Variants in RYR3 observed in about 807,000 individuals in gnomAD.
The protein encoded by RYR3 is brain ryanodine receptor-calcium release channel.
In RYR3, 207 loss-of-function variants were observed where a neutral mutation model predicts 584.3. That is an observed-to-expected ratio of 0.35 (90% CI 0.32 to 0.40). RYR3 has a LOEUF of 0.40. Ranked by LOEUF, RYR3 falls within the 10% of genes least tolerant of loss-of-function variation. RYR3 has a pLI of 1.00. For missense variants in RYR3, 5,616 were observed against 6,089.2 expected (o/e 0.92, Z 2.59); for synonymous variants, 2,416 against 2,248.5 (o/e 1.07, Z -2.11).
intron 34 of RYR3, among the ~76,000 whole-genome samples, chr15:33,661,111 G>A (rs889452404): frequency 3.3e-5 from 5 of 152,128 alleles, no homozygotes; most frequent in South Asian, 2.1e-4. Flanking sequence ...ATTGGGTCAC[G>A]AGCAGCAGGG....
chr15:33,538,250 G>C lies in RYR3; in HGVS notation c.434-1100G>C, dbSNP rs377041446. ...TCATGTTCTCATCAAGGCAGTAAAA[G>C]CTGACTAGAAGCTGGCTGAGGCTTG... On this transcript the variant is annotated intron_variant, in intron 5 of 103. Coordinates refer to ENST00000634891, the MANE Select transcript of RYR3 (RefSeq NM_001036.6). 3.7e-3 allele frequency among the ~76,000 whole-genome samples: 567 copies of C among 152,232 alleles called. 4 individuals are homozygous for C. Among genetic ancestry groups the C allele is most frequent in the African/African-American group, 0.013 (538 of 41,536 alleles).
intron 2 of RYR3, among the ~76,000 whole-genome samples, chr15:33,482,355 G>A (rs1411964683): frequency 2.0e-5 from 3 of 151,840 alleles, no homozygotes; most frequent in Non-Finnish European, 2.9e-5. Context: ...CTTTTCCTCT[G>A]GAAAGTTTTA....
intron 1 of RYR3, among the ~76,000 whole-genome samples, chr15:33,433,909 CACA>C (rs2045426361): frequency 6.6e-6 from 1 of 152,190 alleles, no homozygotes; most frequent in Non-Finnish European, 1.5e-5. Flanking sequence ...CCTCACTGGA[CACA>C]ACTTTATCCA....
intron 1 of RYR3, among the ~76,000 whole-genome samples, chr15:33,414,888 G>A (rs781617571): frequency 5.3e-5 from 8 of 152,088 alleles, no homozygotes; most frequent in East Asian, 1.9e-4. Flanking sequence ...CCACCGCGCC[G>A]GCCTTAATAA....
Position 33,311,713 on chromosome 15 carries a change from A to C in RYR3, c.51+617A>C, listed in dbSNP as rs1208864943. The stretch of plus-strand genomic sequence containing the variant: ...CTGCTGCTGGAGCCTGACTTGACTG[A>C]CTGCCTGTCGTGTGTTCGAGAGCTG... On this transcript the variant is annotated intron_variant, in intron 1 of 103. Coordinates refer to ENST00000634891, the MANE Select transcript of RYR3 (RefSeq NM_001036.6). The surrounding 1 kb of genome is among the most constrained non-coding windows in gnomAD (Gnocchi z 4.4). 6.6e-6 allele frequency among the ~76,000 whole-genome samples: 1 copy of C among 152,126 alleles called. No individual in the cohort carries two copies. The highest frequency in any genetic ancestry group is 1.5e-5 in the Non-Finnish European group (1 of 68,012).
chr15:33,818,466 T>C, intron 75 of RYR3, 112 bp from the exon 76 acceptor site: 1 of 727,894 alleles, frequency 1.4e-6, no homozygotes, highest in Non-Finnish European at 2.3e-6. Flanking sequence ...TGTTTTGTGC[T>C]TTAGTCTGAT....
intron 4 of RYR3, among the ~76,000 whole-genome samples, chr15:33,532,889 G>A (rs1467821374): frequency 6.6e-6 from 1 of 152,168 alleles, no homozygotes; most frequent in Non-Finnish European, 1.5e-5. Flanking sequence ...GGCCAGGGCA[G>A]GAGGATCACT....
At position 33,844,930 on chromosome 15, in the gene RYR3, G is replaced by A. The variant is rs118177681; in HGVS notation, c.13365G>A (p.Glu4455=). The A allele has an allele frequency of 0.011, 17,939 of 1,613,996 alleles. 142 individuals are homozygous for A. The highest frequency in any genetic ancestry group is 0.024 in the South Asian group (2,201 of 91,080). The part of the protein sequence containing the change: ...VANLWNSFND[E]EEEEAMVFFV... ...ACCTATGGAATTCCTTTAATGACGA[G>A]GAAGAGGAAGAAGCGATGGTATTCT... The change falls in exon 93 of 104, where the codon GAG becomes GAA. Residue 4455 remains glutamate (E), a synonymous_variant. Transcript: ENST00000634891.
chr15:33,631,926 CCTTCTTTCCT>C (rs2152633645), intron 23 of RYR3, among the ~76,000 whole-genome samples: 1 of 152,330 alleles, frequency 6.6e-6, no homozygotes, highest in East Asian at 1.9e-4. Flanking sequence ...TTATCTTCCC[CCTTCTTTCCT>C]CTTAAACTTC....
chr15:33,810,575 C>T lies in RYR3; in HGVS notation c.10123C>T (p.Leu3375=). The T allele has an allele frequency of 6.2e-7, 1 of 1,614,036 alleles. No homozygotes were observed. The highest frequency in any genetic ancestry group is 8.5e-7 in the Non-Finnish European group (1 of 1,179,894). Residue 3375 remains leucine (L), a synonymous_variant, in exon 71 of 104, where the codon CTG becomes TTG. Coordinates refer to ENST00000634891, the MANE Select transcript of RYR3 (RefSeq NM_001036.6). ...SLIVAALKKM[L]PIGLNMCTPG... Reference sequence around the variant, plus strand: ...CATCGTGGCTGCACTCAAGAAAATGCTGCCCATTGGTTTGAATATGTGTAC... The same window carrying T: ...CATCGTGGCTGCACTCAAGAAAATGTTGCCCATTGGTTTGAATATGTGTAC...
At chr15:33,623,240 G>A (rs939859928) in intron 19 of RYR3, among the ~76,000 whole-genome samples, 1 of 152,144 alleles carries the variant, frequency 6.6e-6, no homozygotes, top group African/African-American at 2.4e-5. Flanking sequence ...GGGGGAATGC[G>A]GTCTCCACAG....
At chr15:33,498,371 G>A (rs1415163824) in intron 2 of RYR3, among the ~76,000 whole-genome samples, 1 of 152,088 alleles carries the variant, frequency 6.6e-6, no homozygotes, top group Non-Finnish European at 1.5e-5. Flanking sequence ...CATCTTGATA[G>A]TAGGCATCTT....
At chr15:33,726,541 T>C in intron 46 of RYR3, 35 bp downstream of exon 46, 1 of 1,552,534 alleles carries the variant, frequency 6.4e-7, no homozygotes, top group Non-Finnish European at 8.7e-7. Context: ...AGCAGCAGTC[T>C]CCCAGCAGCC....
intron 98 of RYR3, chr15:33,855,751 A>T (rs1157244689): frequency 6.6e-6 from 1 of 152,220 alleles, no homozygotes; most frequent in African/African-American, 2.4e-5. Flanking sequence ...TATAGTTAAT[A>T]CATATTATAT....
Position 33,533,457 on chromosome 15 carries a change from C to A in RYR3, c.433+68C>A, listed in dbSNP as rs972917623. The stretch of plus-strand genomic sequence containing the variant: ...TGGGCTAAGGGGCTTTTGAGAAGGA[C>A]CCTGAATGCGTTACTCATTTGGGAT... On this transcript the variant is annotated intron_variant, in intron 5 of 103. Coordinates refer to ENST00000634891, the MANE Select transcript of RYR3 (RefSeq NM_001036.6). 7.4e-6 allele frequency: 8 copies of A among 1,077,352 alleles called. No homozygotes were observed. In the African/African-American group the frequency reaches 1.1e-4, roughly 15 times the overall value. The allele number at this position is 1,077,352 out of a possible 1,614,324, so 66.7% of individuals were successfully genotyped here.
intron 38 of RYR3, among the ~76,000 whole-genome samples, chr15:33,685,421 T>C (rs1421018412): frequency 2.6e-5 from 4 of 152,150 alleles, no homozygotes; most frequent in Admixed American, 2.0e-4. Context: ...ATGCACCCAA[T>C]ACAGGAGCAC....
At position 33,759,440 on chromosome 15, in the gene RYR3, G is replaced by A. The variant is rs1174788506; in HGVS notation, c.8705+1844G>A. ...TTGCTAACTAGAATAACCAGTTTAG[G>A]GAAGAACATAAATGACCTGATGGAG... On this transcript the variant is annotated intron_variant, in intron 60 of 103. Transcript: ENST00000634891. Among the ~76,000 whole-genome samples, 5 of 152,096 alleles carry A rather than the reference G, an allele frequency of 3.3e-5. No homozygotes were observed. In the East Asian group the frequency reaches 7.7e-4, roughly 23 times the overall value.
intron 90 of RYR3, among the ~76,000 whole-genome samples, chr15:33,841,089 C>T (rs1199969304): frequency 2.0e-5 from 3 of 152,016 alleles, no homozygotes; most frequent in African/African-American, 2.4e-5. Flanking sequence ...TGGTGGTGTG[C>T]ACCTGTAGTC....
intron 1 of RYR3, among the ~76,000 whole-genome samples, chr15:33,411,989 C>T (rs2043444022): frequency 6.6e-6 from 1 of 152,196 alleles, no homozygotes; most frequent in African/African-American, 2.4e-5. Flanking sequence ...GAATTTGTCA[C>T]AGTTGTCTGT....
Sources: gnomAD v4.1 joint callset for allele counts (sites outside exome capture counted in the v4.1 genomes callset) on GRCh38, gnomAD v4.1.1 for gene constraint, Gnocchi (gnomAD v3.1) non-coding constraint, MANE v1.5 for transcripts, NCBI Gene and HGNC (gene_info 2026-07-23, HGNC 2026-07-21) for gene names.